Variants in NXPH1 observed in about 807,000 individuals in gnomAD.
NXPH1 encodes neurexophilin 1.
A neutral mutation model predicts 23.7 loss-of-function variants in NXPH1; 5 were observed. The observed-to-expected ratio is 0.21, with a 90% CI of 0.11 to 0.44. NXPH1 has a LOEUF of 0.44. NXPH1 is among the 20% of genes least tolerant of loss of function. The probability of loss-of-function intolerance (pLI) is 0.99; values close to 1 mark genes in which losing one functional copy is unlikely to be tolerated. For missense variants in NXPH1, 324 were observed against 321.6 expected, an observed-to-expected ratio of 1.01 and a Z score of -0.06; for synonymous variants, 144 against 122.2, an observed-to-expected ratio of 1.18 and a Z score of -1.18.
At chr7:8,537,825 C>A (rs1180737849) in intron 2 of NXPH1, among the ~76,000 whole-genome samples, 1 of 151,746 alleles carries the variant, frequency 6.6e-6, no homozygotes, top group East Asian at 1.9e-4. Flanking sequence ...GTATTTTTTT[C>A]TCTGAGATGT....
chr7:8,574,012 TA>T (rs1818703386), intron 2 of NXPH1, among the ~76,000 whole-genome samples: 2 of 152,114 alleles, frequency 1.3e-5, no homozygotes, highest in Non-Finnish European at 2.9e-5. Flanking sequence ...CATAAAGATT[TA>T]TTGAGGATTT....
At chr7:8,565,340 G>A (rs767695025) in intron 2 of NXPH1, among the ~76,000 whole-genome samples, 5 of 151,756 alleles carry the variant, frequency 3.3e-5, no homozygotes, top group Admixed American at 6.6e-5. Flanking sequence ...TTTTAAGCAC[G>A]CAATGCAGGA....
Position 8,434,422 on chromosome 7 carries a change from C to A in NXPH1, c.-444C>A. 1 of 154,172 alleles carries A rather than the reference C, an allele frequency of 6.5e-6. No individual in the cohort carries two copies. 9.6% of individuals were successfully genotyped at this position (154,172 alleles called of 1,614,324 possible). On this transcript the variant is annotated 5_prime_UTR_variant, in exon 1 of 3. Coordinates refer to ENST00000405863, the MANE Select transcript of NXPH1 (RefSeq NM_152745.3). This position sits in a 1 kb window ranked among gnomAD's most constrained non-coding sequence, Gnocchi z 7.6. ...GTGCAGCAGCCCGGCGCATTCCCCTCTCTCCCTCCCTCTTGCTCTCCCTCC... is the reference window on the plus strand; with the variant it reads ...GTGCAGCAGCCCGGCGCATTCCCCTATCTCCCTCCCTCTTGCTCTCCCTCC...
At position 8,539,884 on chromosome 7, in the gene NXPH1, A is replaced by T. The variant is rs9640070; in HGVS notation, c.54+104117A>T. 8.4e-3 allele frequency among the ~76,000 whole-genome samples: 1,284 copies of T among 151,976 alleles called. 76 individuals are homozygous for T. The East Asian group carries it at 0.15, about 18-fold the overall frequency. On this transcript the variant is annotated intron_variant, in intron 2 of 2. Coordinates refer to ENST00000405863, the MANE Select transcript of NXPH1 (RefSeq NM_152745.3). ...TAACTCTTGGAACCCAACAAGGAAT[A>T]TATGAGTTACAAATATTTTCATTAG...
intron 2 of NXPH1, among the ~76,000 whole-genome samples, chr7:8,460,327 T>A (rs1305497959): frequency 6.6e-6 from 1 of 152,228 alleles, no homozygotes; most frequent in African/African-American, 2.4e-5. Flanking sequence ...CAAAAGAAGA[T>A]GAAAGTAAAG....
At chr7:8,476,671 A>G (rs140441479) in intron 2 of NXPH1, among the ~76,000 whole-genome samples, 124 of 151,418 alleles carry the variant, frequency 8.2e-4, no homozygotes, top group Admixed American at 2.6e-3. Flanking sequence ...CTTAGCTATG[A>G]AGTATATGAT....
In NXPH1 at chr7:8,483,965, C is replaced by CTTTTTTTTTT. The variant is rs60436502; in HGVS notation, c.54+48206_54+48215dup. On this transcript the variant is annotated intron_variant, in intron 2 of 2. Coordinates refer to ENST00000405863, the MANE Select transcript of NXPH1 (RefSeq NM_152745.3). The stretch of plus-strand genomic sequence containing the variant: ...CTAGAATAAATAACACTCCCCCCAC[C>CTTTTTTTTTT]TTTTTTTTTTTTTTTTTAAGAAGTA... Among the ~76,000 whole-genome samples, 189 of 132,298 alleles carry CTTTTTTTTTT rather than the reference C, an allele frequency of 1.4e-3. 6 individuals are homozygous for CTTTTTTTTTT. Among genetic ancestry groups the CTTTTTTTTTT allele is most frequent in the African/African-American group, 5.5e-3 (176 of 32,024 alleles). 86.8% of individuals were successfully genotyped at this position (132,298 alleles called of 152,430 possible).
chr7:8,685,449 T>TTA (rs397937809), intron 2 of NXPH1, among the ~76,000 whole-genome samples: 1 of 151,844 alleles, frequency 6.6e-6, no homozygotes, highest in Non-Finnish European at 1.5e-5. Context: ...TTTTTTTTTT[T>TTA]ATGGCTGAAT....
chr7:8,683,876 G>A (rs1269579996), intron 2 of NXPH1, among the ~76,000 whole-genome samples: 3 of 152,076 alleles, frequency 2.0e-5, no homozygotes, highest in South Asian at 2.1e-4. Context: ...CAATGCCCAG[G>A]AAGCTAGAGA....
chr7:8,477,227 A>C (rs1816989926), intron 2 of NXPH1, among the ~76,000 whole-genome samples: 2 of 152,150 alleles, frequency 1.3e-5, no homozygotes, highest in Non-Finnish European at 2.9e-5. Context: ...AGTTTCTATA[A>C]GCAATTAAAG....
chr7:8,593,790 G>A (rs1448614133), intron 2 of NXPH1, among the ~76,000 whole-genome samples: 1 of 152,018 alleles, frequency 6.6e-6, no homozygotes, highest in Non-Finnish European at 1.5e-5. Context: ...TTTTAACAAT[G>A]AGAACTGGCC....
intron 2 of NXPH1, among the ~76,000 whole-genome samples, chr7:8,522,407 T>C (rs1817787689): frequency 6.6e-6 from 1 of 152,174 alleles, no homozygotes; most frequent in Non-Finnish European, 1.5e-5. Context: ...GATGACTAAT[T>C]ATGTCCAACA....
intron 2 of NXPH1, among the ~76,000 whole-genome samples, chr7:8,538,637 C>T (rs1818065179): frequency 1.3e-5 from 2 of 151,884 alleles, no homozygotes; most frequent in South Asian, 4.1e-4. Flanking sequence ...AACTTTTCCC[C>T]CACGTGCTAA....
intron 2 of NXPH1, among the ~76,000 whole-genome samples, chr7:8,520,444 T>C (rs1250848783): frequency 1.3e-5 from 2 of 152,214 alleles, no homozygotes; most frequent in Non-Finnish European, 2.9e-5. Context: ...CTGGCAATTA[T>C]AGCAAAGTCA....
chr7:8,719,922 G>A (rs1779938496), intron 2 of NXPH1, among the ~76,000 whole-genome samples: 1 of 151,976 alleles, frequency 6.6e-6, no homozygotes, highest in Non-Finnish European at 1.5e-5. Context: ...TGGGACAGGG[G>A]GATTCTATCT....
At chr7:8,745,941 A>G (rs1198512579) in intron 2 of NXPH1, among the ~76,000 whole-genome samples, 1 of 151,908 alleles carries the variant, frequency 6.6e-6, no homozygotes, top group Non-Finnish European at 1.5e-5. Context: ...TTTATCTACC[A>G]CATCTAAGGA....
At chr7:8,525,638 A>G (rs1817850301) in intron 2 of NXPH1, among the ~76,000 whole-genome samples, 1 of 152,166 alleles carries the variant, frequency 6.6e-6, no homozygotes, top group South Asian at 2.1e-4. Flanking sequence ...GGCTAGGGAC[A>G]TGGTACCCTG....
intron 2 of NXPH1, among the ~76,000 whole-genome samples, chr7:8,439,916 C>T (rs1816267066): frequency 6.6e-6 from 1 of 152,174 alleles, no homozygotes; most frequent in Non-Finnish European, 1.5e-5. Context: ...ATTAAGCCAG[C>T]TGCACACTGA....
At chr7:8,530,019 A>G (rs1376399268) in intron 2 of NXPH1, among the ~76,000 whole-genome samples, 1 of 152,168 alleles carries the variant, frequency 6.6e-6, no homozygotes, top group Non-Finnish European at 1.5e-5. Context: ...TGAAATGTGT[A>G]TGATAATTTA....
Sources: gnomAD v4.1 joint callset for allele counts (sites outside exome capture counted in the v4.1 genomes callset) on GRCh38, gnomAD v4.1.1 for gene constraint, Gnocchi (gnomAD v3.1) non-coding constraint, MANE v1.5 for transcripts, NCBI Gene and HGNC (gene_info 2026-07-23, HGNC 2026-07-21) for gene names.